Variants in SYNJ1 observed in about 807,000 individuals in gnomAD.
SYNJ1 encodes polyphosphatidylinositol phosphatase SYNJ1.
SYNJ1 carries 78 observed loss-of-function variants against 168.2 expected under a neutral mutation model. That is an observed-to-expected ratio of 0.46 (90% CI 0.39 to 0.56). The LOEUF (loss-of-function observed/expected upper bound fraction) is 0.56. Among genes scored for constraint, SYNJ1 ranks in the 20% least tolerant of loss-of-function variants. The pLI, the probability that SYNJ1 is intolerant of heterozygous loss-of-function variation, is 0.00. For synonymous variants in SYNJ1, 539 were observed against 548.6 expected, an observed-to-expected ratio of 0.98 and a Z score of 0.24; for missense variants, 1,303 against 1,597.6, an observed-to-expected ratio of 0.82 and a Z score of 3.14.
At chr21:32,665,535 T>C (rs912854261) in intron 17 of SYNJ1, among the ~76,000 whole-genome samples, 8 of 152,236 alleles carry the variant, frequency 5.3e-5, no homozygotes, top group South Asian at 2.1e-4. Context: ...CTTAAAAGAA[T>C]GCAACCTTTT....
intron 2 of SYNJ1, among the ~76,000 whole-genome samples, chr21:32,707,501 A>C (rs1352151941): frequency 6.6e-6 from 1 of 151,874 alleles, no homozygotes; most frequent in Non-Finnish European, 1.5e-5. Context: ...ATACCTGGTT[A>C]ATTTTTATTT....
At position 32,681,913 on chromosome 21, in the gene SYNJ1, T is replaced by A. The variant is rs561855334; in HGVS notation, c.1201-265A>T. Reference sequence around the variant, plus strand: ...AATTTATCTTATTAAAGTATCCCTATAAATCAGAGTTGTTTACCTTGCCCA... The same window carrying A: ...AATTTATCTTATTAAAGTATCCCTAAAAATCAGAGTTGTTTACCTTGCCCA... On this transcript the variant is annotated intron_variant, in intron 10 of 32. Transcript: ENST00000674351. Among the ~76,000 whole-genome samples the A allele has an allele frequency of 3.5e-4, 54 of 152,244 alleles. No individual in the cohort carries two copies. In the South Asian group the frequency reaches 0.011, roughly 32 times the overall value.
intron 2 of SYNJ1, 61 bp from the exon 3 acceptor site, chr21:32,702,108 AG>A (rs1296433071): frequency 8.3e-5 from 101 of 1,213,446 alleles, no homozygotes; most frequent in Non-Finnish European, 1.1e-4. Flanking sequence ...TATTTAGCTA[AG>A]TATAAATCCA....
chr21:32,725,942 T>C (rs1227825617), intron 2 of SYNJ1, among the ~76,000 whole-genome samples: 1 of 152,116 alleles, frequency 6.6e-6, no homozygotes, highest in Non-Finnish European at 1.5e-5. Flanking sequence ...CCAGACTCAA[T>C]CAATCCGCCC....
In SYNJ1 at chr21:32,695,448, A is replaced by G. The variant is rs147126728; in HGVS notation, c.480-166T>C. 9.7e-4 allele frequency among the ~76,000 whole-genome samples: 147 copies of G among 152,270 alleles called. 1 individual carries two copies. The highest frequency in any genetic ancestry group is 2.7e-3 in the African/African-American group (111 of 41,564). ...ATGCTAGGGATCAGAAGATAGGGCT[A>G]TAAAACGAGATCCTTCAACATGTGA... On this transcript the variant is annotated intron_variant, in intron 4 of 32. Transcript: ENST00000674351.
chr21:32,652,826 C>A (rs2040321575), intron 22 of SYNJ1, among the ~76,000 whole-genome samples: 1 of 152,194 alleles, frequency 6.6e-6, no homozygotes, highest in African/African-American at 2.4e-5. Flanking sequence ...GATCTGTTAT[C>A]TCTGGAAATT....
At chr21:32,697,396 C>T (rs2042247470) in intron 4 of SYNJ1, among the ~76,000 whole-genome samples, 1 of 152,062 alleles carries the variant, frequency 6.6e-6, no homozygotes, top group East Asian at 1.9e-4. Flanking sequence ...CAAAATTCAC[C>T]TTTGGTGCTC....
intron 31 of SYNJ1, among the ~76,000 whole-genome samples, chr21:32,637,366 C>A: frequency 6.7e-6 from 1 of 150,340 alleles, no homozygotes; most frequent in East Asian, 1.9e-4. Context: ...AGAGTTCTAC[C>A]ATTATTATAT....
intron 11 of SYNJ1, among the ~76,000 whole-genome samples, chr21:32,681,272 T>C (rs1354265065): frequency 1.3e-5 from 2 of 152,222 alleles, no homozygotes; most frequent in East Asian, 1.9e-4. Context: ...AGATACGTTA[T>C]ATATACATAC....
Position 32,653,376 on chromosome 21 carries a change from AAAC to A in SYNJ1, c.2796-13_2796-11del. The A allele has an allele frequency of 6.3e-7, 1 of 1,583,988 alleles. No homozygotes were observed. ...TTTATCTTCTACAAATCTTTAAGAA[AAAC>A]AATAAAAAACCATAATTAATACCAT... On this transcript the variant is annotated splice_polypyrimidine_tract_variant and intron_variant, in intron 21 of 32. Coordinates refer to ENST00000674351, the MANE Select transcript of SYNJ1 (RefSeq NM_203446.3).
In SYNJ1 at chr21:32,654,692, T is replaced by C. The variant is rs147695419; in HGVS notation, c.2796-1326A>G. 4.4e-3 allele frequency among the ~76,000 whole-genome samples: 672 copies of C among 152,342 alleles called. 3 individuals are homozygous for C. The highest frequency in any genetic ancestry group is 0.015 in the African/African-American group (633 of 41,580). On this transcript the variant is annotated intron_variant, in intron 21 of 32. Transcript: ENST00000674351. ...CAAGGGATTCTGGTTCTTATATCTATTGATTTATGTAAGTTCTTTTGGAAG... is the reference window on the plus strand; with the variant it reads ...CAAGGGATTCTGGTTCTTATATCTACTGATTTATGTAAGTTCTTTTGGAAG...
Position 32,714,917 on chromosome 21 carries a change from T to C in SYNJ1, c.124+11855A>G, listed in dbSNP as rs546972661. Among the ~76,000 whole-genome samples the C allele has an allele frequency of 5.3e-5, 8 of 152,350 alleles. No individual in the cohort carries two copies. In the South Asian group the frequency reaches 1.7e-3, roughly 32 times the overall value. On this transcript the variant is annotated intron_variant, in intron 2 of 32. Transcript: ENST00000674351. ...CTTTTGTGGGTTCTAACCCATTATC[T>C]GAGTTTCAAAAAGCTGGATCTCAAT...
chr21:32,675,507 T>C (rs1031782617), intron 13 of SYNJ1, among the ~76,000 whole-genome samples: 4 of 152,156 alleles, frequency 2.6e-5, no homozygotes, highest in African/African-American at 7.2e-5. Flanking sequence ...AACTCAAAAA[T>C]ATATCTAGGT....
At chr21:32,639,383 C>T (rs1268754458) in intron 30 of SYNJ1, among the ~76,000 whole-genome samples, 3 of 152,058 alleles carry the variant, frequency 2.0e-5, no homozygotes, top group Non-Finnish European at 2.9e-5. Context: ...TTTCTTTTCT[C>T]TCAATTTTTA....
intron 4 of SYNJ1, 128 bp downstream of exon 4, chr21:32,699,710 A>C: frequency 8.8e-7 from 1 of 1,135,676 alleles, no homozygotes; most frequent in Non-Finnish European, 1.2e-6. Context: ...TTGCTGCTGA[A>C]AAGGGGCATC....
intron 11 of SYNJ1, 46 bp from the exon 12 acceptor site, chr21:32,678,847 T>G (rs369615527): frequency 6.3e-7 from 1 of 1,576,896 alleles, no homozygotes; most frequent in Non-Finnish European, 8.5e-7. Context: ...ATTTTAAATA[T>G]TACTGATTTT....
chr21:32,686,872 G>T, intron 8 of SYNJ1, 106 bp downstream of exon 8: 3 of 770,880 alleles, frequency 3.9e-6, no homozygotes, highest in Non-Finnish European at 4.0e-6. Flanking sequence ...CTTTTTCTTG[G>T]AAGTAATTTA....
At chr21:32,698,109 T>C (rs1640219147) in intron 4 of SYNJ1, among the ~76,000 whole-genome samples, 1 of 152,166 alleles carries the variant, frequency 6.6e-6, no homozygotes, top group Non-Finnish European at 1.5e-5. Flanking sequence ...CAGGAACTCA[T>C]GTCCATTCAT....
chr21:32,690,649 G>A (rs1170005972), intron 6 of SYNJ1, among the ~76,000 whole-genome samples: 1 of 152,212 alleles, frequency 6.6e-6, no homozygotes, highest in Non-Finnish European at 1.5e-5. Context: ...CCAGTACTTG[G>A]GGAGGCCGAG....
Sources: allele counts gnomAD v4.1 joint callset (sites outside exome capture counted in the v4.1 genomes callset), GRCh38; gene constraint gnomAD v4.1.1; transcripts MANE v1.5; gene names NCBI Gene and HGNC (gene_info 2026-07-23, HGNC 2026-07-21).